The following TEX9 variants were observed in gnomAD, a reference collection of about 807,000 sequenced individuals.
The protein encoded by TEX9 is testis expressed 9.
Under a neutral mutation model 59.6 loss-of-function variants are expected in TEX9, and 74 were observed. The ratio of observed to expected loss-of-function variants is 1.24; its 90% CI spans 1.03 to 1.51. The LOEUF is 1.51. TEX9 is among the 40% of genes most tolerant of loss of function. The probability of loss-of-function intolerance (pLI) is 0.00; values close to 1 mark genes in which losing one functional copy is unlikely to be tolerated. For synonymous variants in TEX9, 186 were observed against 152.2 expected, an observed-to-expected ratio of 1.22 and a Z score of -1.64; for missense variants, 522 against 447.8, an observed-to-expected ratio of 1.17 and a Z score of -1.49.
intron 1 of TEX9, among the ~76,000 whole-genome samples, chr15:56,301,919 T>C (rs2045368423): frequency 6.6e-6 from 1 of 152,164 alleles, no homozygotes; most frequent in East Asian, 1.9e-4. Context: ...TAATTGTGTG[T>C]AAACTACTCA....
At chr15:56,326,418 T>C (rs560309089) in intron 1 of TEX9, among the ~76,000 whole-genome samples, 242 of 152,262 alleles carry the variant, frequency 1.6e-3, no homozygotes, top group African/African-American at 5.7e-3. Flanking sequence ...ATTATAAATG[T>C]TTTTATCATC....
the TEX9 span, among the ~76,000 whole-genome samples, chr15:56,460,009 A>ACATATAT: frequency 1.1e-4 from 3 of 26,388 alleles, no homozygotes; most frequent in East Asian, 3.4e-3. Context: ...AAAAAAAAAA[A>ACATATAT]ATACATATAT....
intron 10 of TEX9, among the ~76,000 whole-genome samples, chr15:56,422,157 G>A (rs1302851192): frequency 6.7e-6 from 1 of 148,574 alleles, no homozygotes; most frequent in African/African-American, 2.5e-5. Context: ...GCTAAATGAC[G>A]AGTTAATGGG....
At position 56,316,310 on chromosome 15, in the gene TEX9, G is replaced by A. The variant is rs192100713; in HGVS notation, c.-106-57131G>A. 2.7e-3 allele frequency among the ~76,000 whole-genome samples: 416 copies of A among 152,184 alleles called. 4 individuals are homozygous for A. The highest frequency in any genetic ancestry group is 9.5e-3 in the African/African-American group (396 of 41,544). On this transcript the variant is annotated intron_variant, in intron 1 of 5. Transcript: ENST00000560827. Reference sequence around the variant, plus strand: ...TCTACTTTTCGTCTTTGATGATGGTGATGTACAGATGGGTTTTTGGTGTGG... The same window carrying A: ...TCTACTTTTCGTCTTTGATGATGGTAATGTACAGATGGGTTTTTGGTGTGG...
rs757700145 is a variant in TEX9 at position 56,379,771 on chromosome 15, C to T, written c.184-4181C>T. Among the ~76,000 whole-genome samples the T allele has an allele frequency of 8.6e-5, 13 of 151,980 alleles. No individual in the cohort carries two copies. The Middle Eastern group carries it at 0.01, about 119-fold the overall frequency. On this transcript the variant is annotated intron_variant, in intron 3 of 12. Transcript: ENST00000352903. Reference sequence around the variant, plus strand: ...TCATTATATCCTGTTGCTGGATTGACCTCTTTAGCATTATATAATGACCTT... The same window carrying T: ...TCATTATATCCTGTTGCTGGATTGATCTCTTTAGCATTATATAATGACCTT...
At chr15:56,340,756 T>C (rs1222129158) in intron 1 of TEX9, among the ~76,000 whole-genome samples, 3 of 152,186 alleles carry the variant, frequency 2.0e-5, no homozygotes, top group Admixed American at 1.3e-4. Context: ...CTGCCTCTCC[T>C]TTATCGTGCT....
chr15:56,353,660 T>A (rs532359094), intron 1 of TEX9, among the ~76,000 whole-genome samples: 1 of 152,296 alleles, frequency 6.6e-6, no homozygotes, highest in African/African-American at 2.4e-5. Context: ...TAAAAAGAGA[T>A]GATATGGTAA....
chr15:56,365,494 G>T lies in TEX9; in HGVS notation c.27+17G>T, dbSNP rs201434042. The T allele has an allele frequency of 7.4e-6, 12 of 1,614,072 alleles. No individual in the cohort carries two copies. Among genetic ancestry groups the T allele is most frequent in the Non-Finnish European group, 1.0e-5 (12 of 1,180,044 alleles). ...TGTCTCACGGTCAGTTCAACTCCAG[G>T]CTCCTGGGGAGCGTCTGGGTTCCGG... is the stretch of plus-strand genomic sequence containing the variant. On this transcript the variant is annotated intron_variant, in intron 1 of 12. Coordinates refer to ENST00000352903, the Ensembl canonical transcript of TEX9.
intron 5 of TEX9, among the ~76,000 whole-genome samples, 183 bp downstream of exon 5, chr15:56,388,703 T>G (rs1484943570): frequency 6.6e-6 from 1 of 152,032 alleles, no homozygotes; most frequent in African/African-American, 2.4e-5. Flanking sequence ...CTTTGTTGTC[T>G]CATAATTTCA....
At chr15:56,380,828 T>C (rs1009951550) in intron 3 of TEX9, among the ~76,000 whole-genome samples, 5 of 152,212 alleles carry the variant, frequency 3.3e-5, no homozygotes, top group Non-Finnish European at 7.3e-5. Flanking sequence ...GTTTCTTTTC[T>C]CTTGCTGTTT....
At chr15:56,413,328 T>C (rs986022574) in intron 10 of TEX9, among the ~76,000 whole-genome samples, 1 of 148,120 alleles carries the variant, frequency 6.8e-6, no homozygotes, top group Admixed American at 6.7e-5. Context: ...ATTTAATAAT[T>C]AAAACAATAT....
chr15:56,434,459 A>C, intron 12 of TEX9: 1 of 1,479,718 alleles, frequency 6.8e-7, no homozygotes, highest in Non-Finnish European at 9.1e-7. Flanking sequence ...ATAAGGAAAG[A>C]GTGATAGAGT....
At chr15:56,456,606 T>A in the TEX9 span, 2 of 1,383,674 alleles carry the variant, frequency 1.4e-6, no homozygotes, top group Non-Finnish European at 2.0e-6. Context: ...AACAGAAAAC[T>A]AAATGCCTTA....
intron 10 of TEX9, among the ~76,000 whole-genome samples, chr15:56,425,936 G>T (rs1384003131): frequency 1.3e-5 from 2 of 151,960 alleles, no homozygotes; most frequent in Non-Finnish European, 2.9e-5. Flanking sequence ...GTCTTTCCTG[G>T]GCCTGTGTGT....
intron 1 of TEX9, among the ~76,000 whole-genome samples, chr15:56,272,931 TTTATTTA>T (rs757724292): frequency 8.3e-6 from 1 of 120,468 alleles, no homozygotes; most frequent in African/African-American, 2.9e-5. Flanking sequence ...TATTTATTTA[TTTATTTA>T]TTTTTTTTGT....
intron 1 of TEX9, among the ~76,000 whole-genome samples, chr15:56,336,383 GA>G (rs1238919245): frequency 6.6e-6 from 1 of 151,992 alleles, no homozygotes; most frequent in Non-Finnish European, 1.5e-5. Flanking sequence ...AGAAATCAGA[GA>G]ACTAGCTAGC....
downstream of TEX9, among the ~76,000 whole-genome samples, chr15:56,448,704 A>G (rs1350624514): frequency 6.7e-6 from 1 of 150,332 alleles, no homozygotes; most frequent in East Asian, 1.9e-4. Flanking sequence ...ATATAAATGC[A>G]TATGCTTTTT....
chr15:56,270,454 G>A (rs1217194352), intron 1 of TEX9, among the ~76,000 whole-genome samples: 1 of 152,124 alleles, frequency 6.6e-6, no homozygotes, highest in Non-Finnish European at 1.5e-5. Flanking sequence ...TTTTATCAGA[G>A]ACCAAGATTG....
intron 2 of TEX9, among the ~76,000 whole-genome samples, chr15:56,367,684 G>A (rs1216667583): frequency 2.0e-5 from 3 of 152,096 alleles, no homozygotes; most frequent in African/African-American, 4.8e-5. Flanking sequence ...AATTTTCCAC[G>A]AATATGATAC....
Sources: gnomAD v4.1 joint callset for allele counts (sites outside exome capture counted in the v4.1 genomes callset) on GRCh38, gnomAD v4.1.1 for gene constraint, MANE v1.5 for transcripts, NCBI Gene and HGNC (gene_info 2026-07-23, HGNC 2026-07-21) for gene names.